The following MIA2 variants were observed in gnomAD, a reference collection of about 807,000 sequenced individuals.
MIA2 encodes the protein melanoma inhibitory activity protein 2.
A neutral mutation model predicts 167.8 loss-of-function variants in MIA2; 127 were observed. The ratio of observed to expected loss-of-function variants is 0.76; its 90% CI spans 0.66 to 0.88. The LOEUF is 0.88. MIA2 is among the 40% of genes least tolerant of loss of function. The pLI is 0.00. For synonymous variants in MIA2, 552 were observed against 541.9 expected (o/e 1.02, Z -0.26); for missense variants, 1,690 against 1,624.7 (o/e 1.04, Z -0.69).
downstream of MIA2, among the ~76,000 whole-genome samples, chr14:39,355,874 A>G (rs2074509758): frequency 6.6e-6 from 1 of 152,136 alleles, no homozygotes; most frequent in African/African-American, 2.4e-5. Flanking sequence ...GCGTATGTTG[A>G]ACCAGCCCTG....
chr14:39,288,469 A>G (rs796782024), intron 9 of MIA2, among the ~76,000 whole-genome samples: 4,296 of 52,530 alleles, frequency 0.082, 762 homozygotes, highest in African/African-American at 0.18. Flanking sequence ...ATATATATAT[A>G]TATATATTTT....
rs11429335 is a variant in MIA2 at position 39,237,129 on chromosome 14, C to CT, written c.249+82dup. On this transcript the variant is annotated intron_variant, in intron 2 of 28. Transcript: ENST00000640607. ...CACAAAGATTCCTTCCTTTTCTTTT[C>CT]TTTTTTTTGGAAACAGGGCCTGGCT... 510 of 1,534,638 alleles carry CT rather than the reference C, an allele frequency of 3.3e-4. No individual in the cohort carries two copies. In the African/African-American group the frequency reaches 4.1e-3, roughly 12 times the overall value.
At chr14:39,332,153 T>G (rs1595727404) in intron 25 of MIA2, among the ~76,000 whole-genome samples, 1 of 152,308 alleles carries the variant, frequency 6.6e-6, no homozygotes, top group African/African-American at 2.4e-5. Context: ...TTATTCTTGT[T>G]TCTCTAATCT....
chr14:39,314,561 T>C (rs2064976181), intron 19 of MIA2, among the ~76,000 whole-genome samples, 178 bp from the exon 20 acceptor site: 1 of 150,858 alleles, frequency 6.6e-6, no homozygotes, highest in Non-Finnish European at 1.5e-5. Context: ...GGAAAAAATA[T>C]ACTGTAGAAC....
intron 6 of MIA2, among the ~76,000 whole-genome samples, chr14:39,275,810 T>C (rs1179936235): frequency 6.6e-6 from 1 of 152,152 alleles, no homozygotes; most frequent in East Asian, 1.9e-4. Context: ...CCTAGGGTAA[T>C]GTAGGGAGAG....
chr14:39,287,523 T>A (rs947614976), intron 9 of MIA2, among the ~76,000 whole-genome samples: 3 of 151,864 alleles, frequency 2.0e-5, no homozygotes, highest in Admixed American at 2.0e-4. Flanking sequence ...TGAGGAACTT[T>A]CTTTTTATTT....
chr14:39,249,193 T>C (rs999487343), intron 4 of MIA2, among the ~76,000 whole-genome samples: 4 of 152,194 alleles, frequency 2.6e-5, no homozygotes, highest in Admixed American at 2.0e-4. Context: ...TACACTGGAG[T>C]GCAGTGGTGC....
chr14:39,346,045 T>G lies in MIA2; in HGVS notation c.3778+19T>G. 3.1e-6 allele frequency: 5 copies of G among 1,601,282 alleles called. No individual in the cohort carries two copies. Among genetic ancestry groups the G allele is most frequent in the Non-Finnish European group, 4.3e-6 (5 of 1,173,412 alleles). ...AAAATGGGTAAGAAGTACTTTGTGC[T>G]TTTCTTCTTTAAAAATTTTGGTGGC... is the stretch of plus-strand genomic sequence containing the variant. On this transcript the variant is annotated intron_variant, in intron 26 of 28. Coordinates refer to ENST00000640607, the MANE Select transcript of MIA2 (RefSeq NM_001329214.4).
rs1140959 is a variant in MIA2, at chr14:39,350,164, C to A, written c.4139C>A (p.Pro1380Gln). 10 of 1,420,296 alleles carry A rather than the reference C, an allele frequency of 7.0e-6. No homozygotes were observed. In the African/African-American group the frequency reaches 1.0e-4, roughly 15 times the overall value. 88.0% of individuals were successfully genotyped at this position (1,420,296 alleles called of 1,614,324 possible). A position where few individuals can be genotyped will look rare whatever the true frequency, so the allele number is the denominator to read the frequency against. Residue 1380 changes from proline to glutamine, a missense_variant, in exon 29 of 29, where the codon CCA (proline) becomes CAA (glutamine). Coordinates refer to ENST00000640607, the MANE Select transcript of MIA2 (RefSeq NM_001329214.4). ...YLPPRPGFFP[P>Q]PPHSEGRSEF... ...CCCCCAAGACCTGGATTTTTCCCCC[C>A]ACCCCCACATTCTGAAGGTAGAAGT...
In MIA2 at chr14:39,314,838, A is replaced by ATGTG; in HGVS notation, c.3180+40_3180+41insGTGT. On this transcript the variant is annotated intron_variant, in intron 20 of 28. Coordinates refer to ENST00000640607, the MANE Select transcript of MIA2 (RefSeq NM_001329214.4). Reference sequence around the variant, plus strand: ...TGTGTGTGTGTGTGTGTGTGTGTGTATATATATATAATTTAAAACAATTCT... The same window carrying ATGTG: ...TGTGTGTGTGTGTGTGTGTGTGTGTATGTGTATATATATAATTTAAAACAATTCT... 4.8e-6 allele frequency: 4 copies of ATGTG among 834,064 alleles called. 1 individual carries two copies. Among genetic ancestry groups the ATGTG allele is most frequent in the Non-Finnish European group, 3.5e-6 (2 of 577,596 alleles). The allele number at this position is 834,064 out of a possible 1,614,324, so 51.7% of individuals were successfully genotyped here. A position where few individuals can be genotyped will look rare whatever the true frequency, so the allele number is the denominator to read the frequency against.
chr14:39,273,873 T>A (rs1005613367), intron 6 of MIA2, among the ~76,000 whole-genome samples: 2 of 152,214 alleles, frequency 1.3e-5, no homozygotes, highest in Non-Finnish European at 2.9e-5. Context: ...TTCTTCCTCC[T>A]CTATGTTTGG....
chr14:39,285,280 G>A (rs1161014929), intron 9 of MIA2, among the ~76,000 whole-genome samples: 3 of 152,100 alleles, frequency 2.0e-5, no homozygotes, highest in African/African-American at 4.8e-5. Context: ...CCTCCCAGAC[G>A]GGGTGGTGGC....
chr14:39,268,193 G>C (rs2056373081), intron 6 of MIA2, among the ~76,000 whole-genome samples: 1 of 152,012 alleles, frequency 6.6e-6, no homozygotes, highest in South Asian at 2.1e-4. Context: ...GACATGTGTA[G>C]GGGCATTTAT....
chr14:39,242,253 A>AT (rs895341935), intron 3 of MIA2, among the ~76,000 whole-genome samples: 3 of 152,148 alleles, frequency 2.0e-5, no homozygotes, highest in Admixed American at 2.0e-4. Context: ...GAGGCCTTCC[A>AT]TGATGATTCT....
chr14:39,359,450 C>T (rs1350997545), intron 23 of MIA2, among the ~76,000 whole-genome samples: 1 of 152,180 alleles, frequency 6.6e-6, no homozygotes, highest in Non-Finnish European at 1.5e-5. Flanking sequence ...TGCCATCTGT[C>T]ACCCCCTTCC....
At chr14:39,254,061 A>G (rs572189458) in intron 6 of MIA2, among the ~76,000 whole-genome samples, 1 of 152,334 alleles carries the variant, frequency 6.6e-6, no homozygotes, top group South Asian at 2.1e-4. Context: ...ACAGGGTGCT[A>G]CTGATATGCA....
intron 21 of MIA2, among the ~76,000 whole-genome samples, chr14:39,317,174 C>G (rs1489744311): frequency 2.0e-5 from 3 of 152,100 alleles, no homozygotes; most frequent in African/African-American, 7.2e-5. Context: ...GAACCACAGG[C>G]TAAAGAATTA....
intron 13 of MIA2, among the ~76,000 whole-genome samples, chr14:39,298,589 G>A (rs762016865): frequency 8.3e-5 from 9 of 108,196 alleles, no homozygotes; most frequent in Non-Finnish European, 1.2e-4. Flanking sequence ...ACCTGGGTGC[G>A]CAGGCGGGCT....
At chr14:39,272,334 A>G (rs2057300703) in intron 6 of MIA2, among the ~76,000 whole-genome samples, 1 of 152,198 alleles carries the variant, frequency 6.6e-6, no homozygotes, top group Non-Finnish European at 1.5e-5. Context: ...CCTGGGTGAC[A>G]GGGCGAGACT....
Sources: gnomAD v4.1 joint callset for allele counts (sites outside exome capture counted in the v4.1 genomes callset) on GRCh38, gnomAD v4.1.1 for gene constraint, MANE v1.5 for transcripts, NCBI Gene and HGNC (gene_info 2026-07-23, HGNC 2026-07-21) for gene names.